TMEM131: variants seen among roughly 807,000 people sequenced by gnomAD.
TMEM131 encodes the protein transmembrane protein 131, also known as 2610524E03Rik.
Under a neutral mutation model 211.6 loss-of-function variants are expected in TMEM131, and 66 were observed. The observed-to-expected ratio is 0.31, with a 90% confidence interval of 0.26 to 0.38. TMEM131 has a LOEUF of 0.38. Among genes scored for constraint, TMEM131 ranks in the 10% least tolerant of loss-of-function variants. The pLI, the probability that TMEM131 is intolerant of heterozygous loss-of-function variation, is 1.00. For synonymous variants in TMEM131, 844 were observed against 841.3 expected (o/e 1.00, Z -0.06); for missense variants, 2,036 against 2,299.3 (o/e 0.89, Z 2.34).
At position 97,836,710 on chromosome 2, in the gene TMEM131, A is replaced by G. The variant is rs1682955506; in HGVS notation, c.804+367T>C. On this transcript the variant is annotated intron_variant, in intron 8 of 40. Coordinates refer to ENST00000186436, the MANE Select transcript of TMEM131 (RefSeq NM_015348.2). ...TTACCTTCAAAAACAAAACAAAAAC[A>G]TAATGAATGCTTCCTACATTTTTTT... 2.0e-5 allele frequency among the ~76,000 whole-genome samples: 3 copies of G among 152,204 alleles called. No individual in the cohort carries two copies. The South Asian group carries it at 6.2e-4, about 32-fold the overall frequency.
At chr2:97,772,237 C>T in intron 33 of TMEM131, 60 bp downstream of exon 33, 1 of 1,569,154 alleles carries the variant, frequency 6.4e-7, no homozygotes, top group Non-Finnish European at 8.6e-7. Context: ...AAAACAGCAC[C>T]TGGTTTTCGC....
At chr2:97,827,212 C>T (rs1232065966) in intron 11 of TMEM131, 30 of 722,974 alleles carry the variant, frequency 4.1e-5, no homozygotes, top group South Asian at 1.2e-4. Flanking sequence ...CGCCGCGGCC[C>T]GCAGGCACCT....
chr2:97,965,039 T>C (rs1322343325), intron 1 of TMEM131, among the ~76,000 whole-genome samples: 1 of 152,230 alleles, frequency 6.6e-6, no homozygotes, highest in African/African-American at 2.4e-5. Flanking sequence ...CATGTCTTTA[T>C]GCCCCAAGAG....
At chr2:97,862,026 CAG>C (rs143946261) in intron 4 of TMEM131, among the ~76,000 whole-genome samples, 6 of 152,022 alleles carry the variant, frequency 3.9e-5, no homozygotes, top group South Asian at 2.1e-4. Flanking sequence ...TGGCTCAGCA[CAG>C]AGAGAGAGAG....
chr2:97,795,011 T>C lies in TMEM131; in HGVS notation c.3305A>G (p.His1102Arg), dbSNP rs1164104230. The C allele has an allele frequency of 1.1e-5, 18 of 1,613,824 alleles. No individual in the cohort carries two copies. The highest frequency in any genetic ancestry group is 1.4e-5 in the Non-Finnish European group (17 of 1,179,776). ...VFILNASLPY[H>R]MLATCAEALP... Reference sequence around the variant, plus strand: ...GGCTTCTGCACAGGTTGCTAACATATGGTAAGGAAGGGATGCATTCAATAT... The same window carrying C: ...GGCTTCTGCACAGGTTGCTAACATACGGTAAGGAAGGGATGCATTCAATAT... The change falls in exon 29 of 41, where the codon CAT (histidine) becomes CGT (arginine). Residue 1102 changes from histidine (H) to arginine (R), a missense_variant. Around this residue, in one of 3 missense-constraint regions of TMEM131, gnomAD observed 1,623 missense variants for 1,805.9 expected, o/e 0.90. Transcript: ENST00000186436.
intron 2 of TMEM131, among the ~76,000 whole-genome samples, chr2:97,921,833 GAAAAT>G (rs1208323240): frequency 6.6e-6 from 1 of 152,100 alleles, no homozygotes; most frequent in Non-Finnish European, 1.5e-5. Context: ...TCAGGGAAAC[GAAAAT>G]AAAATGGAAA....
At chr2:97,759,159 C>A in intron 39 of TMEM131, 106 bp from the exon 40 acceptor site, 1 of 1,381,952 alleles carries the variant, frequency 7.2e-7, no homozygotes, top group Non-Finnish European at 1.0e-6. Flanking sequence ...GCTCCTGGAG[C>A]CACCACACCC....
chr2:97,893,484 T>C (rs1428073239), intron 3 of TMEM131, among the ~76,000 whole-genome samples: 2 of 152,220 alleles, frequency 1.3e-5, no homozygotes, highest in Admixed American at 1.3e-4. Context: ...TCCACAATGG[T>C]TGAACTAATT....
intron 11 of TMEM131, 82 bp from the exon 12 acceptor site, chr2:97,818,803 C>T (rs1681972300): frequency 1.1e-6 from 1 of 893,774 alleles, no homozygotes; most frequent in Non-Finnish European, 1.7e-6. Context: ...GGAAAGTATA[C>T]TGGAAAAGTA....
intron 3 of TMEM131, among the ~76,000 whole-genome samples, chr2:97,905,772 C>G (rs978853730): frequency 6.6e-6 from 1 of 152,084 alleles, no homozygotes; most frequent in Non-Finnish European, 1.5e-5. Flanking sequence ...CTTTAAATTG[C>G]TGAACACATA....
chr2:97,910,378 G>T (rs1359363653), intron 2 of TMEM131, among the ~76,000 whole-genome samples: 5 of 152,068 alleles, frequency 3.3e-5, no homozygotes, highest in Non-Finnish European at 7.4e-5. Context: ...CCACTTCTGT[G>T]TATATACCCT....
At chr2:97,936,173 A>T (rs962827151) in intron 1 of TMEM131, among the ~76,000 whole-genome samples, 5 of 152,218 alleles carry the variant, frequency 3.3e-5, no homozygotes, top group African/African-American at 7.2e-5. Context: ...GGAAATTTTT[A>T]AAAATTTGGC....
intron 22 of TMEM131, among the ~76,000 whole-genome samples, chr2:97,803,514 G>A (rs1681138200): frequency 6.6e-6 from 1 of 152,146 alleles, no homozygotes; most frequent in Admixed American, 6.5e-5. Flanking sequence ...ATTATAAATG[G>A]AGCTAAGATT....
intron 4 of TMEM131, among the ~76,000 whole-genome samples, chr2:97,875,364 A>G (rs1042650195): frequency 1.2e-4 from 19 of 152,160 alleles, no homozygotes; most frequent in African/African-American, 4.6e-4. Context: ...TGGACCAAGC[A>G]AACCTAATAG....
chr2:97,792,556 G>A lies in TMEM131; in HGVS notation c.3974C>T (p.Pro1325Leu). The A allele has an allele frequency of 1.9e-6, 3 of 1,613,446 alleles. No homozygotes were observed. The highest frequency in any genetic ancestry group is 2.5e-6 in the Non-Finnish European group (3 of 1,179,686). Residue 1325 changes from proline to leucine, a missense_variant, in exon 31 of 41, where the codon CCC (proline) becomes CTC (leucine). This residue lies in a region of TMEM131 where 1,623 missense variants were observed against 1,805.9 expected (regional missense o/e 0.90). Transcript: ENST00000186436. ...TTCTGGGTGGGAAGGGTGTGCGAGG[G>A]GGGCGGGAGACAGCCTTTCAGGCTG... ...EPQPERLSPA[P>L]LAHPSHPERA...
rs1190352987 is a variant in TMEM131, at chr2:97,805,714, A to G, written c.2056-11T>C. ...ATGAACTATTTTCCCCTGAAGGAAGAAAGCAAAGAACAAACTCATTTGTAT... is the reference window on the plus strand; with the variant it reads ...ATGAACTATTTTCCCCTGAAGGAAGGAAGCAAAGAACAAACTCATTTGTAT... On this transcript the variant is annotated splice_polypyrimidine_tract_variant and intron_variant, in intron 19 of 40. Transcript: ENST00000186436. The G allele has an allele frequency of 1.3e-6, 2 of 1,578,924 alleles. No individual in the cohort carries two copies. Among genetic ancestry groups the G allele is most frequent in the Admixed American group, 1.8e-5 (1 of 55,376 alleles).
At position 97,834,761 on chromosome 2, in the gene TMEM131, A is replaced by G. The variant is rs1682864814; in HGVS notation, c.955+14T>C. ...AAACAAAACAACTTTCGATTTCATC[A>G]GTTTTCCACTAACCTGTTGTAACTT... On this transcript the variant is annotated intron_variant, in intron 9 of 40. Coordinates refer to ENST00000186436, the MANE Select transcript of TMEM131 (RefSeq NM_015348.2). 6.2e-7 allele frequency: 1 copy of G among 1,610,286 alleles called. No homozygotes were observed. The highest frequency in any genetic ancestry group is 1.3e-5 in the African/African-American group (1 of 74,838).
At chr2:97,893,345 T>C (rs1675465224) in intron 3 of TMEM131, among the ~76,000 whole-genome samples, 1 of 152,310 alleles carries the variant, frequency 6.6e-6, no homozygotes, top group African/African-American at 2.4e-5. Context: ...AGTGCTGTAA[T>C]AAACACATGT....
chr2:97,772,532 A>G, intron 32 of TMEM131, 108 bp from the exon 33 acceptor site: 1 of 1,248,304 alleles, frequency 8.0e-7, no homozygotes, highest in Non-Finnish European at 1.1e-6. Flanking sequence ...TATACACATC[A>G]TATACGTAAA....
Sources: gnomAD v4.1 joint callset for allele counts (sites outside exome capture counted in the v4.1 genomes callset) on GRCh38, gnomAD v4.1.1 for gene constraint, gnomAD v4.1.1 regional missense constraint, MANE v1.5 for transcripts, NCBI Gene and HGNC (gene_info 2026-07-23, HGNC 2026-07-21) for gene names.